Variants in RFC3 observed in about 807,000 individuals in gnomAD.
RFC3 encodes replication factor C subunit 3.
A neutral mutation model predicts 45.1 loss-of-function variants in RFC3; 41 were observed. The observed-to-expected ratio is 0.91, with a 90% confidence interval of 0.71 to 1.18. The LOEUF is 1.18. Ranked by LOEUF, RFC3 falls within the 50% of genes most tolerant of loss-of-function variation. The pLI is 0.00. For missense variants in RFC3, 423 were observed against 428.1 expected, an observed-to-expected ratio of 0.99 and a Z score of 0.10; for synonymous variants, 149 against 144.0, an observed-to-expected ratio of 1.03 and a Z score of -0.25.
chr13:33,956,652 A>G (rs2083023883), intron 8 of RFC3, among the ~76,000 whole-genome samples: 1 of 152,196 alleles, frequency 6.6e-6, no homozygotes, highest in Non-Finnish European at 1.5e-5. Flanking sequence ...CATAAAGAAG[A>G]GTGTGGAGTC....
intron 8 of RFC3, among the ~76,000 whole-genome samples, chr13:33,864,920 C>T (rs572495861): frequency 3.9e-4 from 59 of 151,768 alleles, no homozygotes; most frequent in Non-Finnish European, 7.2e-4. Context: ...GTTGCAGAGG[C>T]GATTTTGAGA....
At chr13:33,920,839 T>C (rs1315816069) in intron 8 of RFC3, among the ~76,000 whole-genome samples, 1 of 152,108 alleles carries the variant, frequency 6.6e-6, no homozygotes, top group Non-Finnish European at 1.5e-5. Flanking sequence ...CATGTCTTTA[T>C]CTTACTAAAT....
At chr13:33,952,542 G>C (rs368173856) in intron 8 of RFC3, among the ~76,000 whole-genome samples, 1 of 152,184 alleles carries the variant, frequency 6.6e-6, no homozygotes, top group Non-Finnish European at 1.5e-5. Flanking sequence ...AGCTGATTAA[G>C]TAAGTAGGAA....
At position 33,908,607 on chromosome 13, in the gene RFC3, T is replaced by TACAC. The variant is rs71074991; in HGVS notation, c.880-57441_880-57438dup. 3.5e-3 allele frequency among the ~76,000 whole-genome samples: 502 copies of TACAC among 142,686 alleles called. 5 individuals are homozygous for TACAC. The highest frequency in any genetic ancestry group is 0.012 in the East Asian group (57 of 4,744). The allele number at this position is 142,686 out of a possible 152,430, so 93.6% of individuals were successfully genotyped here. On this transcript the variant is annotated intron_variant, in intron 8 of 8. Coordinates refer to the RFC3 transcript ENST00000434425. ...CCAGAGAAAAAGAACACACAGGAGATACACACACACACACACACACACACA... is the reference window on the plus strand; with the variant it reads ...CCAGAGAAAAAGAACACACAGGAGATACACACACACACACACACACACACACACA...
At chr13:33,889,276 G>A (rs776898430) in intron 8 of RFC3, among the ~76,000 whole-genome samples, 15 of 152,132 alleles carry the variant, frequency 9.9e-5, no homozygotes, top group East Asian at 1.9e-4. Context: ...AATCATAAGC[G>A]TTGAACCAAC....
chr13:33,859,664 T>G (rs566155896), intron 8 of RFC3, among the ~76,000 whole-genome samples: 1 of 152,330 alleles, frequency 6.6e-6, no homozygotes, highest in East Asian at 1.9e-4. Flanking sequence ...TAATAAAGCA[T>G]TATTAGGATG....
intron 8 of RFC3, among the ~76,000 whole-genome samples, chr13:33,926,051 C>G (rs1406109932): frequency 1.3e-5 from 2 of 151,922 alleles, no homozygotes; most frequent in African/African-American, 4.8e-5. Flanking sequence ...AGTTCATGTC[C>G]TTTGTTGGGA....
At chr13:33,829,611 G>A (rs952794891) in intron 4 of RFC3, 1 of 538,682 alleles carries the variant, frequency 1.9e-6, no homozygotes, top group African/African-American at 1.9e-5. Flanking sequence ...TTTAGTAAAA[G>A]GCAAAATATT....
At chr13:33,820,793 G>A (rs1734739996) in intron 1 of RFC3, among the ~76,000 whole-genome samples, 1 of 152,012 alleles carries the variant, frequency 6.6e-6, no homozygotes, top group Non-Finnish European at 1.5e-5. Context: ...GATTCTGATA[G>A]TCAGGTTTGG....
At chr13:33,826,630 A>G (rs1373643179) in intron 4 of RFC3, among the ~76,000 whole-genome samples, 1 of 152,112 alleles carries the variant, frequency 6.6e-6, no homozygotes, top group Non-Finnish European at 1.5e-5. Context: ...GCTACTATAT[A>G]TGGAGTCTTA....
chr13:33,885,087 A>G (rs2082511649), intron 8 of RFC3, among the ~76,000 whole-genome samples: 1 of 152,170 alleles, frequency 6.6e-6, no homozygotes, highest in Non-Finnish European at 1.5e-5. Flanking sequence ...TTGAGCCTAT[A>G]ATGAAAAATG....
chr13:33,861,455 CTG>C (rs1198163701), intron 8 of RFC3, among the ~76,000 whole-genome samples: 11 of 152,186 alleles, frequency 7.2e-5, no homozygotes, highest in African/African-American at 2.6e-4. Context: ...TGCCGAAACT[CTG>C]TCTCTACTAA....
intron 8 of RFC3, chr13:33,848,056 T>C (rs1422614079): frequency 6.6e-6 from 1 of 152,252 alleles, no homozygotes; most frequent in Non-Finnish European, 1.5e-5. Context: ...ATCTATTAGC[T>C]GTTAACTCCA....
intron 8 of RFC3, among the ~76,000 whole-genome samples, chr13:33,926,214 G>C (rs868564523): frequency 1.6e-5 from 2 of 126,878 alleles, no homozygotes; most frequent in Non-Finnish European, 3.2e-5. Context: ...GTTGTGGGGT[G>C]GGGGGAGGGG....
intron 8 of RFC3, among the ~76,000 whole-genome samples, chr13:33,922,101 A>G (rs1490533177): frequency 1.3e-5 from 2 of 151,680 alleles, no homozygotes; most frequent in African/African-American, 4.8e-5. Flanking sequence ...CATCATCCAC[A>G]AGCGAGAATT....
intron 8 of RFC3, among the ~76,000 whole-genome samples, chr13:33,859,610 TTTG>T (rs1480642984): frequency 6.6e-6 from 1 of 152,214 alleles, no homozygotes; most frequent in Non-Finnish European, 1.5e-5. Context: ...ATTCCTATTT[TTTG>T]TTTTCTAAAT....
chr13:33,946,799 A>G (rs1410579871), intron 8 of RFC3, among the ~76,000 whole-genome samples: 1 of 152,238 alleles, frequency 6.6e-6, no homozygotes, highest in Admixed American at 6.5e-5. Flanking sequence ...CTTTGAGACT[A>G]TACTAAAACT....
chr13:33,955,336 T>A (rs1300021828), intron 8 of RFC3, among the ~76,000 whole-genome samples: 1 of 152,140 alleles, frequency 6.6e-6, no homozygotes, highest in African/African-American at 2.4e-5. Context: ...AACAACGATA[T>A]TTGTGGGTAT....
chr13:33,920,128 A>G (rs897606239), intron 8 of RFC3, among the ~76,000 whole-genome samples: 2 of 152,130 alleles, frequency 1.3e-5, no homozygotes, highest in Non-Finnish European at 2.9e-5. Context: ...AAGGGAGAGA[A>G]TGTTTGGCTA....
Sources: allele counts gnomAD v4.1 joint callset (sites outside exome capture counted in the v4.1 genomes callset), GRCh38; gene constraint gnomAD v4.1.1; transcripts MANE v1.5; gene names NCBI Gene and HGNC (gene_info 2026-07-23, HGNC 2026-07-21).